TMEFF2: variants seen among roughly 807,000 people sequenced by gnomAD.
The protein encoded by TMEFF2 is transmembrane protein with EGF like and two follistatin like domains 2, also known as tomoregulin-2.
In TMEFF2, 28 loss-of-function variants were observed where a neutral mutation model predicts 53.8. The ratio of observed to expected loss-of-function variants is 0.52; its 90% CI spans 0.39 to 0.71. TMEFF2 has a LOEUF of 0.71. Ranked by LOEUF, TMEFF2 falls within the 30% of genes least tolerant of loss-of-function variation. The probability of loss-of-function intolerance (pLI) is 0.00; values close to 1 mark genes in which losing one functional copy is unlikely to be tolerated. For missense variants in TMEFF2, 353 were observed against 455.2 expected (o/e 0.78, Z 2.04); for synonymous variants, 162 against 166.3 (o/e 0.97, Z 0.20).
In TMEFF2 at chr2:191,998,262, C is replaced by T. The variant is rs772345111; in HGVS notation, c.745G>A (p.Glu249Lys). ...DGHYARTDYAENANKLEESAR... is the reference protein window; with the variant it reads ...DGHYARTDYAKNANKLEESAR... The stretch of plus-strand genomic sequence containing the variant: ...TTTTGTAGAAGAAAATATTATGTAC[C>T]TGCATAATCTGTTCTTGCATAATGC... Residue 249 changes from glutamate (E) to lysine (K), a missense_variant and splice_region_variant, in exon 7 of 10, where the codon GAG becomes AAG. Transcript: ENST00000272771. 3.1e-6 allele frequency: 5 copies of T among 1,590,440 alleles called. No individual in the cohort carries two copies. The highest frequency in any genetic ancestry group is 1.1e-5 in the South Asian group (1 of 87,880).
At chr2:192,189,565 A>AAAAAAAAAAAAAAGGAAT (rs1340411341) in intron 2 of TMEFF2, among the ~76,000 whole-genome samples, 2 of 150,356 alleles carry the variant, frequency 1.3e-5, no homozygotes, top group Non-Finnish European at 3.0e-5. Flanking sequence ...CAAAAAAAAA[A>AAAAAAAAAAAAAAGGAAT]AAAGGAATGC....
At chr2:192,042,260 A>G (rs1687503863) in intron 5 of TMEFF2, among the ~76,000 whole-genome samples, 1 of 152,224 alleles carries the variant, frequency 6.6e-6, no homozygotes, top group South Asian at 2.1e-4. Context: ...AAAGTTTGAA[A>G]TATTGTGAGA....
chr2:192,094,206 G>T (rs76996144), intron 4 of TMEFF2, among the ~76,000 whole-genome samples: 1 of 152,134 alleles, frequency 6.6e-6, no homozygotes, highest in Admixed American at 6.6e-5. Flanking sequence ...GAGTCTGTCA[G>T]CTTAGACTGA....
intron 4 of TMEFF2, among the ~76,000 whole-genome samples, chr2:192,120,291 G>A (rs1418814856): frequency 3.3e-5 from 5 of 152,196 alleles, no homozygotes; most frequent in Admixed American, 3.3e-4. Context: ...GTTTCAGCCA[G>A]TTTGTAGAGG....
chr2:191,962,176 T>C (rs1037122382), intron 7 of TMEFF2, among the ~76,000 whole-genome samples: 7 of 152,210 alleles, frequency 4.6e-5, no homozygotes, highest in African/African-American at 1.7e-4. Flanking sequence ...AAGTTGAACA[T>C]TATTCTATTT....
chr2:192,044,477 T>C (rs1687562972), intron 5 of TMEFF2: 1 of 152,220 alleles, frequency 6.6e-6, no homozygotes, highest in South Asian at 2.1e-4. Context: ...CTTTGGATTC[T>C]GGAGGCAACA....
chr2:192,064,413 T>C (rs1028627264), intron 4 of TMEFF2, among the ~76,000 whole-genome samples: 10 of 151,766 alleles, frequency 6.6e-5, no homozygotes, highest in Admixed American at 2.0e-4. Flanking sequence ...TTCTACTCTT[T>C]TGTGTTAATT....
intron 7 of TMEFF2, among the ~76,000 whole-genome samples, chr2:191,964,395 T>C (rs1692400138): frequency 1.9e-5 from 1 of 52,740 alleles, no homozygotes; most frequent in South Asian, 8.4e-4. Flanking sequence ...TCTTTCTTTC[T>C]TTCTCTTTCT....
chr2:192,193,915 G>C (rs1296165779), intron 1 of TMEFF2, among the ~76,000 whole-genome samples: 2 of 152,138 alleles, frequency 1.3e-5, no homozygotes, highest in Non-Finnish European at 2.9e-5. Context: ...TTCCCCTGCA[G>C]TCACCATTTG....
chr2:192,082,580 G>C (rs1688578200), intron 4 of TMEFF2, among the ~76,000 whole-genome samples: 1 of 151,830 alleles, frequency 6.6e-6, no homozygotes, highest in Admixed American at 6.6e-5. Context: ...TTTGTTTCTT[G>C]GACTATGCCT....
intron 5 of TMEFF2, among the ~76,000 whole-genome samples, chr2:192,024,845 A>G (rs899805599): frequency 3.3e-5 from 5 of 152,250 alleles, no homozygotes; most frequent in African/African-American, 1.2e-4. Flanking sequence ...CTGGACTATG[A>G]GAAGAATAAT....
At chr2:192,093,951 A>G (rs1559123341) in intron 4 of TMEFF2, among the ~76,000 whole-genome samples, 1 of 152,202 alleles carries the variant, frequency 6.6e-6, no homozygotes, top group Non-Finnish European at 1.5e-5. Context: ...TCTTAGAGAC[A>G]CATGGATCCA....
At chr2:192,083,684 G>A (rs532441093) in intron 4 of TMEFF2, among the ~76,000 whole-genome samples, 57 of 151,044 alleles carry the variant, frequency 3.8e-4, no homozygotes, top group Non-Finnish European at 6.6e-4. Flanking sequence ...AACGCATGTG[G>A]TAGTACTTTA....
At chr2:192,101,223 GC>G (rs1215582892) in intron 4 of TMEFF2, among the ~76,000 whole-genome samples, 8 of 152,148 alleles carry the variant, frequency 5.3e-5, no homozygotes, top group Non-Finnish European at 1.2e-4. Context: ...CTGATGGGCA[GC>G]TTTCACTGCA....
chr2:192,104,594 A>G (rs911352795), intron 4 of TMEFF2, among the ~76,000 whole-genome samples: 11 of 152,118 alleles, frequency 7.2e-5, no homozygotes, highest in African/African-American at 2.2e-4. Context: ...AACCTCTTCT[A>G]TTCATATTGT....
rs533973355 is a variant in TMEFF2 at position 192,184,436 on chromosome 2, G to A, written c.330C>T (p.Tyr110=). 2 of 1,613,366 alleles carry A rather than the reference G, an allele frequency of 1.2e-6. No individual in the cohort carries two copies. Among genetic ancestry groups the A allele is most frequent in the East Asian group, 2.2e-5 (1 of 44,860 alleles). ...VPVCGSNGES[Y]QNECYLRQAA... ...CCTGTCGCAGGTAACACTCATTCTG[G>A]TAGCTCTCCCCATTGGAGCCACACA... Residue 110 remains tyrosine (Y), a synonymous_variant, in exon 3 of 10, where the codon TAC becomes TAT. Coordinates refer to ENST00000272771, the MANE Select transcript of TMEFF2 (RefSeq NM_016192.4).
chr2:192,112,050 T>C (rs1417938162), intron 4 of TMEFF2, among the ~76,000 whole-genome samples: 3 of 152,202 alleles, frequency 2.0e-5, no homozygotes, highest in East Asian at 3.9e-4. Flanking sequence ...TGAGAACCTC[T>C]GCTAGAGCAG....
At chr2:192,041,485 A>C (rs149120156) in intron 5 of TMEFF2, among the ~76,000 whole-genome samples, 195 of 152,320 alleles carry the variant, frequency 1.3e-3, no homozygotes, top group African/African-American at 4.6e-3. Context: ...CAAGGATGTG[A>C]AGAAGTGTGG....
intron 4 of TMEFF2, among the ~76,000 whole-genome samples, chr2:192,096,670 C>CTCTCTGTCT (rs61068218): frequency 6.0e-4 from 32 of 53,694 alleles, no homozygotes; most frequent in African/African-American, 4.2e-3. Flanking sequence ...CTCTCTCTCT[C>CTCTCTGTCT]TTTTTTTTTT....
Sources: gnomAD v4.1 joint callset for allele counts (sites outside exome capture counted in the v4.1 genomes callset) on GRCh38, gnomAD v4.1.1 for gene constraint, MANE v1.5 for transcripts, NCBI Gene and HGNC (gene_info 2026-07-23, HGNC 2026-07-21) for gene names.